The following TBC1D1 variants were observed in gnomAD, a reference collection of about 807,000 sequenced individuals.
TBC1D1 encodes TBC1 (tre-2/USP6, BUB2, cdc16) domain family, member 1.
Under a neutral mutation model 125.6 loss-of-function variants are expected in TBC1D1, and 89 were observed. The ratio of observed to expected loss-of-function variants is 0.71; its 90% CI spans 0.60 to 0.85. The LOEUF (loss-of-function observed/expected upper bound fraction) is 0.85, where lower values mean the gene tolerates loss of function less well. Ranked by LOEUF, TBC1D1 falls within the 40% of genes least tolerant of loss-of-function variation. TBC1D1 has a pLI of 0.00. For missense variants in TBC1D1, 1,377 were observed against 1,469.2 expected (o/e 0.94, Z 1.03); for synonymous variants, 565 against 564.1 (o/e 1.00, Z -0.02).
intron 2 of TBC1D1, among the ~76,000 whole-genome samples, chr4:37,915,978 G>A (rs969336812): frequency 5.9e-5 from 9 of 152,218 alleles, no homozygotes; most frequent in South Asian, 2.1e-4. Context: ...ATGTCATGAA[G>A]GCTGAGCAGC....
intron 17 of TBC1D1, among the ~76,000 whole-genome samples, chr4:38,124,726 A>G (rs567045506): frequency 2.0e-5 from 3 of 152,204 alleles, no homozygotes; most frequent in Non-Finnish European, 4.4e-5. Flanking sequence ...CTTTTGAAGC[A>G]TGTTTGAATT....
chr4:37,921,109 CAAAAAAAAAAAAAAA>C (rs1188232681), intron 2 of TBC1D1, among the ~76,000 whole-genome samples: 1 of 71,988 alleles, frequency 1.4e-5, no homozygotes, highest in African/African-American at 5.8e-5. Context: ...GACTCCGTCT[CAAAAAAAAAAAAAAA>C]AAAAAAAAAA....
intron 2 of TBC1D1, among the ~76,000 whole-genome samples, chr4:37,925,436 G>A (rs897311123): frequency 6.6e-6 from 1 of 152,078 alleles, no homozygotes; most frequent in African/African-American, 2.4e-5. Flanking sequence ...AAAATGATAC[G>A]ACTGGTTGTG....
At chr4:38,084,411 A>G (rs1401214709) in intron 12 of TBC1D1, among the ~76,000 whole-genome samples, 1 of 152,262 alleles carries the variant, frequency 6.6e-6, no homozygotes, top group Non-Finnish European at 1.5e-5. Context: ...TATTCCATGC[A>G]TATCTGCTGT....
At chr4:38,075,076 T>C (rs552349927) in intron 12 of TBC1D1, among the ~76,000 whole-genome samples, 2 of 152,304 alleles carry the variant, frequency 1.3e-5, no homozygotes, top group Admixed American at 6.5e-5. Flanking sequence ...GTAGAGACTT[T>C]TGAAAGGAAA....
At chr4:38,011,964 T>A (rs1390332486) in intron 2 of TBC1D1, among the ~76,000 whole-genome samples, 1 of 152,174 alleles carries the variant, frequency 6.6e-6, no homozygotes, top group Non-Finnish European at 1.5e-5. Flanking sequence ...CTTCACACAT[T>A]TTCTCTCTCC....
At chr4:38,079,887 G>A (rs554143246) in intron 12 of TBC1D1, among the ~76,000 whole-genome samples, 87 of 152,296 alleles carry the variant, frequency 5.7e-4, no homozygotes, top group Non-Finnish European at 9.4e-4. Flanking sequence ...TCCAATTAAG[G>A]TAACTGTAAT....
rs1742108958 is a variant in TBC1D1, at chr4:38,014,182, T to G, written c.418-327T>G. The stretch of plus-strand genomic sequence containing the variant: ...CCAGCCTGGGCTTGAATCCAAGGCC[T>G]GCTAGGTTGGGCTGTGTGTGTTCCC... On this transcript the variant is annotated intron_variant, in intron 2 of 19. Transcript: ENST00000261439. The surrounding 1 kb of genome is among the most constrained non-coding windows in gnomAD (Gnocchi z 5.1). Among the ~76,000 whole-genome samples the G allele has an allele frequency of 6.6e-6, 1 of 152,184 alleles. No individual in the cohort carries two copies. Among genetic ancestry groups the G allele is most frequent in the Non-Finnish European group, 1.5e-5 (1 of 68,026 alleles).
chr4:37,981,352 C>T (rs1175304014), intron 2 of TBC1D1, among the ~76,000 whole-genome samples: 2 of 152,170 alleles, frequency 1.3e-5, no homozygotes, highest in East Asian at 3.8e-4. Flanking sequence ...ATCTAGCCAC[C>T]ATTCATTCAA....
intron 19 of TBC1D1, among the ~76,000 whole-genome samples, chr4:38,135,909 T>A (rs1011424053): frequency 1.4e-5 from 2 of 143,204 alleles, no homozygotes; most frequent in African/African-American, 5.2e-5. Flanking sequence ...TGTGTATATA[T>A]ACGTGTGTGT....
chr4:38,045,756 C>G lies in TBC1D1; in HGVS notation c.1543-61C>G, dbSNP rs1040800632. ...CTTATTTAAATGGACCAATCTGCTT[C>G]TAGCTGATGCCTTTGCAAAAGCCTC... On this transcript the variant is annotated intron_variant, in intron 9 of 19. Transcript: ENST00000261439. The G allele has an allele frequency of 3.1e-6, 4 of 1,273,982 alleles. No homozygotes were observed. The African/African-American group carries it at 5.9e-5, about 19-fold the overall frequency. The allele number at this position is 1,273,982 out of a possible 1,614,324, so 78.9% of individuals were successfully genotyped here. A position where few individuals can be genotyped will look rare whatever the true frequency, so the allele number is the denominator to read the frequency against.
intron 2 of TBC1D1, among the ~76,000 whole-genome samples, chr4:37,958,618 C>T (rs538872785): frequency 2.6e-4 from 40 of 152,324 alleles, no homozygotes; most frequent in African/African-American, 9.1e-4. Context: ...ACCTCTAGAC[C>T]TCCTTTATTT....
chr4:37,971,927 A>T (rs866074494), intron 2 of TBC1D1, among the ~76,000 whole-genome samples: 3 of 152,176 alleles, frequency 2.0e-5, no homozygotes, highest in Admixed American at 6.5e-5. Flanking sequence ...TTCATTCTTT[A>T]TCCTCTCACA....
At chr4:38,092,533 C>T (rs906571839) in intron 13 of TBC1D1, among the ~76,000 whole-genome samples, 5 of 151,824 alleles carry the variant, frequency 3.3e-5, no homozygotes, top group African/African-American at 1.2e-4. Flanking sequence ...GGGTTCGAGA[C>T]CAGCCTGGCC....
Position 37,902,495 on chromosome 4 carries a change from G to T in TBC1D1, c.400G>T (p.Ala134Ser). ...GCAGAGTATCTGCTATGTGTTCAAAGCCGATGATCAAACAAAAGTAAGTGA... is the reference window on the plus strand; with the variant it reads ...GCAGAGTATCTGCTATGTGTTCAAATCCGATGATCAAACAAAAGTAAGTGA... Residue 134 changes from alanine to serine, a missense_variant, in exon 2 of 20, where the codon GCC (alanine) becomes TCC (serine). Physicochemically the swap from Ala to Ser is moderately conservative, Grantham distance 99 (BLOSUM62 1). Transcript: ENST00000261439. 1 of 1,598,264 alleles carries T rather than the reference G, an allele frequency of 6.3e-7. No individual in the cohort carries two copies. Among genetic ancestry groups the T allele is most frequent in the African/African-American group, 1.3e-5 (1 of 74,548 alleles).
intron 4 of TBC1D1, among the ~76,000 whole-genome samples, chr4:38,019,934 G>A (rs1027860600): frequency 6.6e-6 from 1 of 152,104 alleles, no homozygotes; most frequent in African/African-American, 2.4e-5. Flanking sequence ...TATGTGCTTA[G>A]TTGTGTTTCT....
chr4:37,975,440 C>T (rs1348503748), intron 2 of TBC1D1, among the ~76,000 whole-genome samples: 4 of 152,222 alleles, frequency 2.6e-5, no homozygotes, highest in Non-Finnish European at 5.9e-5. Flanking sequence ...TAACTGCGGG[C>T]AGGCCTGACA....
intron 7 of TBC1D1, among the ~76,000 whole-genome samples, chr4:38,028,673 A>G (rs1188140519): frequency 1.3e-5 from 2 of 152,204 alleles, no homozygotes; most frequent in African/African-American, 4.8e-5. Flanking sequence ...ATGTTAGAAT[A>G]AGAGAGAAGA....
At chr4:37,901,919 G>A in intron 1 of TBC1D1, 84 bp from the exon 2 acceptor site, 3 of 592,736 alleles carry the variant, frequency 5.1e-6, no homozygotes, top group Non-Finnish European at 8.5e-6. Context: ...TCAGGCTTTT[G>A]AGTTCTTCTG....
Sources: allele counts gnomAD v4.1 joint callset (sites outside exome capture counted in the v4.1 genomes callset), GRCh38; gene constraint gnomAD v4.1.1; non-coding constraint Gnocchi (gnomAD v3.1); transcripts MANE v1.5; gene names NCBI Gene and HGNC (gene_info 2026-07-23, HGNC 2026-07-21).